SNAP25: variants seen among roughly 807,000 people sequenced by gnomAD.
SNAP25 encodes synaptosomal-associated protein 25.
In SNAP25, 3 loss-of-function variants were observed where a neutral mutation model predicts 28.7. The observed-to-expected ratio is 0.10, with a 90% CI of 0.05 to 0.27. The LOEUF (loss-of-function observed/expected upper bound fraction) is 0.27, where lower values mean the gene tolerates loss of function less well. SNAP25 is among the 10% of genes least tolerant of loss of function. The pLI, the probability that SNAP25 is intolerant of heterozygous loss-of-function variation, is 1.00. For synonymous variants in SNAP25, 61 were observed against 88.1 expected (o/e 0.69, Z 1.72); for missense variants, 117 against 278.7 (o/e 0.42, Z 4.13).
intron 1 of SNAP25, among the ~76,000 whole-genome samples, chr20:10,258,417 A>T (rs189677857): frequency 6.2e-4 from 95 of 152,330 alleles, no homozygotes; most frequent in East Asian, 4.6e-3. Flanking sequence ...CTTGAAAACT[A>T]TCCATGATCA....
At chr20:10,272,622 AAATAAAACACAGT>A (rs2063615235) in intron 1 of SNAP25, among the ~76,000 whole-genome samples, 1 of 152,340 alleles carries the variant, frequency 6.6e-6, no homozygotes, top group Non-Finnish European at 1.5e-5. Flanking sequence ...TCATGTATTT[AAATAAAACACAGT>A]GTTCACATCT....
chr20:10,287,417 A>G (rs1167611968), intron 4 of SNAP25, among the ~76,000 whole-genome samples: 3 of 151,910 alleles, frequency 2.0e-5, no homozygotes, highest in Non-Finnish European at 2.9e-5. Context: ...AATGCTCACC[A>G]TCACTGGCTA....
intron 7 of SNAP25, among the ~76,000 whole-genome samples, chr20:10,301,877 T>C (rs1488097619): frequency 6.9e-6 from 1 of 144,278 alleles, no homozygotes; most frequent in Non-Finnish European, 1.5e-5. Flanking sequence ...TTATATAATA[T>C]ATAATATATA....
rs183490539 is a variant in SNAP25 at position 10,232,199 on chromosome 20, C to T, written c.-64+13222C>T. Among the ~76,000 whole-genome samples, 34 of 152,304 alleles carry T rather than the reference C, an allele frequency of 2.2e-4. No homozygotes were observed. The East Asian group carries it at 5.4e-3, about 24-fold the overall frequency. ...TCCCCATACCAGAAACATACACATG[C>T]GATTTGTACTCTCTGGACTTCCACT... On this transcript the variant is annotated intron_variant, in intron 1 of 7. Coordinates refer to ENST00000254976, the MANE Select transcript of SNAP25 (RefSeq NM_130811.4).
intron 3 of SNAP25, among the ~76,000 whole-genome samples, chr20:10,282,928 A>G (rs6039807): frequency 0.54 from 81,866 of 152,126 alleles, 22,624 homozygotes; most frequent in African/African-American, 0.65. Context: ...TGTCTTTTGT[A>G]GTCTAGAATC....
intron 6 of SNAP25, 152 bp downstream of exon 6, chr20:10,297,202 C>A: frequency 1.8e-6 from 2 of 1,083,332 alleles, no homozygotes; most frequent in Non-Finnish European, 2.4e-6. Flanking sequence ...CTGGACCTTG[C>A]CTGGGTGGGG....
intron 1 of SNAP25, among the ~76,000 whole-genome samples, chr20:10,269,640 C>T (rs6077712): frequency 0.14 from 21,415 of 152,136 alleles, 1,641 homozygotes; most frequent in Admixed American, 0.2. Context: ...CAGGTAGTAA[C>T]TATTTTCAGC....
chr20:10,294,366 T>A (rs1600777594), intron 5 of SNAP25, among the ~76,000 whole-genome samples: 1 of 152,264 alleles, frequency 6.6e-6, no homozygotes, highest in Non-Finnish European at 1.5e-5. Context: ...ATTAAAAAAT[T>A]CTGCTTTTTA....
chr20:10,296,864 A>T (rs933126353), intron 5 of SNAP25, 61 bp from the exon 6 acceptor site: 1 of 1,607,328 alleles, frequency 6.2e-7, no homozygotes, highest in African/African-American at 1.3e-5. Flanking sequence ...AAGAAGTGAC[A>T]ATTGTTGAGA....
chr20:10,270,887 T>C (rs751205040), intron 1 of SNAP25, among the ~76,000 whole-genome samples: 1 of 152,206 alleles, frequency 6.6e-6, no homozygotes, highest in Non-Finnish European at 1.5e-5. Context: ...GAACACTGAA[T>C]GCTACATGGG....
At chr20:10,261,174 A>G (rs531135094) in intron 1 of SNAP25, among the ~76,000 whole-genome samples, 3 of 152,228 alleles carry the variant, frequency 2.0e-5, no homozygotes, top group Admixed American at 6.5e-5. Context: ...TCATACCCTC[A>G]ATCATTTTTA....
chr20:10,272,963 T>A (rs2063623387), intron 1 of SNAP25, among the ~76,000 whole-genome samples: 1 of 152,186 alleles, frequency 6.6e-6, no homozygotes, highest in South Asian at 2.1e-4. Context: ...ATTTCTCCTT[T>A]TTCACAAGAG....
At chr20:10,278,354 T>TTAAATGGG (rs1469725494) in intron 3 of SNAP25, among the ~76,000 whole-genome samples, 2 of 152,288 alleles carry the variant, frequency 1.3e-5, no homozygotes, top group East Asian at 3.9e-4. Context: ...CAAACTATTT[T>TTAAATGGG]TAAATGGGTA....
intron 6 of SNAP25, among the ~76,000 whole-genome samples, chr20:10,298,235 C>T (rs969172255): frequency 3.3e-5 from 5 of 152,112 alleles, no homozygotes; most frequent in Non-Finnish European, 5.9e-5. Context: ...GCACTCAGGG[C>T]CAAGCACCAT....
chr20:10,231,363 A>G (rs2062825701), intron 1 of SNAP25: 1 of 152,216 alleles, frequency 6.6e-6, no homozygotes, highest in Non-Finnish European at 1.5e-5. Context: ...TGTATTTTCA[A>G]AAACATTGCA....
chr20:10,234,781 A>G (rs1478729158), intron 1 of SNAP25, among the ~76,000 whole-genome samples: 1 of 152,236 alleles, frequency 6.6e-6, no homozygotes, highest in African/African-American at 2.4e-5. Context: ...GTTGAATTCA[A>G]GCAGTCTCAG....
intron 1 of SNAP25, among the ~76,000 whole-genome samples, chr20:10,257,529 A>G (rs1237453703): frequency 6.6e-6 from 1 of 152,164 alleles, no homozygotes; most frequent in Non-Finnish European, 1.5e-5. Context: ...CCCAACCAAC[A>G]TGGAGAAACC....
chr20:10,281,413 C>T (rs1380862330), intron 3 of SNAP25, among the ~76,000 whole-genome samples: 4 of 152,178 alleles, frequency 2.6e-5, no homozygotes, highest in African/African-American at 9.7e-5. Context: ...TGGAGCCAAA[C>T]GCAAGTTCTA....
intron 5 of SNAP25, chr20:10,296,652 C>T (rs1448396028): frequency 4.9e-6 from 2 of 411,930 alleles, no homozygotes; most frequent in Non-Finnish European, 8.7e-6. Flanking sequence ...GTCCAAAATC[C>T]AAACTAAACC....
Sources: allele counts gnomAD v4.1 joint callset (sites outside exome capture counted in the v4.1 genomes callset), GRCh38; gene constraint gnomAD v4.1.1; transcripts MANE v1.5; gene names NCBI Gene and HGNC (gene_info 2026-07-23, HGNC 2026-07-21).